Variants in RPGR observed in about 807,000 individuals in gnomAD.
The protein encoded by RPGR is retinitis pigmentosa GTPase regulator, also known as X-linked retinitis pigmentosa GTPase regulator.
RPGR carries 10 observed loss-of-function variants against 56.3 expected under a neutral mutation model. The ratio of observed to expected loss-of-function variants is 0.18; its 90% confidence interval spans 0.11 to 0.30. RPGR has a LOEUF of 0.30. Among genes scored for constraint, RPGR ranks in the 10% least tolerant of loss-of-function variants. The pLI is 1.00. For synonymous variants in RPGR, 197 were observed against 212.9 expected (o/e 0.93, Z 0.65); for missense variants, 538 against 590.9 (o/e 0.91, Z 0.93).
chrX:38,300,781 C>T (rs1301088439), intron 9 of RPGR, among the ~76,000 whole-genome samples: 1 of 112,176 alleles, frequency 8.9e-6, no homozygotes, highest in Non-Finnish European at 1.9e-5. Context: ...GTGATCCGCC[C>T]GCCTTGGCCT....
chrX:38,283,412 A>G (rs1191837048), intron 15 of RPGR, among the ~76,000 whole-genome samples: 1 of 112,069 alleles, frequency 8.9e-6, no homozygotes, highest in African/African-American at 3.2e-5. Context: ...GGTAATGAAC[A>G]ACTGCTGTTC....
At chrX:38,291,102 AG>A in intron 12 of RPGR, 78 bp from the exon 13 acceptor site, 1 of 220,304 alleles carries the variant, frequency 4.5e-6, no homozygotes, top group Non-Finnish European at 7.8e-6. Flanking sequence ...ACAAATATAT[AG>A]TATATTTTCA....
chrX:38,291,544 G>A (rs1007508928), intron 11 of RPGR, 60 bp from the exon 12 acceptor site: 34 of 658,442 alleles, frequency 5.2e-5, no homozygotes, highest in Non-Finnish European at 7.6e-5. Context: ...AAAGGCAACT[G>A]GACAGAAAAC....
At chrX:38,283,828 T>C (rs921025892) in intron 15 of RPGR, among the ~76,000 whole-genome samples, 22 of 112,118 alleles carry the variant, frequency 2.0e-4, no homozygotes, top group African/African-American at 7.1e-4. Flanking sequence ...TGGAGGTTTT[T>C]TTCTTTATGA....
In RPGR at chrX:38,299,001, A is replaced by G. The variant is rs768625051; in HGVS notation, c.1200T>C (p.Asn400=). 32 of 1,210,060 alleles carry G rather than the reference A, an allele frequency of 2.6e-5. No individual in the cohort carries two copies. The highest frequency in any genetic ancestry group is 3.4e-5 in the Non-Finnish European group (30 of 895,300). The change falls in exon 10 of 19, where the codon AAT becomes AAC. Residue 400 remains asparagine (N), a synonymous_variant. Coordinates refer to ENST00000642395, the MANE Select transcript of RPGR (RefSeq NM_000328.3). ...GTGCTGATAGAGTCCTCTGCAGTAC[A>G]TTTCCTGAGGTTAAACTGCTATACG...
At chrX:38,301,913 T>C (rs2067508384) in intron 8 of RPGR, among the ~76,000 whole-genome samples, 1 of 111,443 alleles carries the variant, frequency 9.0e-6, no homozygotes, top group South Asian at 3.8e-4. Context: ...TCTGCAGTCA[T>C]GACCATTAAA....
intron 15 of RPGR, among the ~76,000 whole-genome samples, chrX:38,277,367 A>G (rs959108342): frequency 8.9e-6 from 1 of 111,960 alleles, no homozygotes; most frequent in Non-Finnish European, 1.9e-5. Flanking sequence ...TCCAAACGAT[A>G]AAAGAGGCTG....
intron 6 of RPGR, among the ~76,000 whole-genome samples, chrX:38,312,789 C>T (rs1186239791): frequency 9.0e-6 from 1 of 111,177 alleles, no homozygotes; most frequent in Non-Finnish European, 1.9e-5. Context: ...ACAAAGAATA[C>T]AAAAATTAGC....
chrX:38,270,637 A>AAAAAG (rs2066828999), intron 18 of RPGR, among the ~76,000 whole-genome samples: 1 of 107,053 alleles, frequency 9.3e-6, no homozygotes, highest in African/African-American at 3.4e-5. Context: ...AAAAAAAAAA[A>AAAAAG]AAAAGTCAGT....
rs771616566 is a variant in RPGR at position 38,304,742 on chromosome X, A to C, written c.827T>G (p.Leu276Arg). Residue 276 changes from leucine (L) to arginine (R), a missense_variant, in exon 8 of 19, where the codon CTT (leucine) becomes CGT (arginine). Leu to Arg is a moderately radical substitution (Grantham distance 102). Transcript: ENST00000642395. Reference sequence around the variant, plus strand: ...TGAAGTTTCAAAAAGAAAAGTGCCAAGACCCAGCTGACCAAATTGTCCCAG... The same window carrying C: ...TGAAGTTTCAAAAAGAAAAGTGCCACGACCCAGCTGACCAAATTGTCCCAG... 2.5e-6 allele frequency: 3 copies of C among 1,208,613 alleles called. No homozygotes were observed. The African/African-American group carries it at 5.3e-5, about 21-fold the overall frequency.
intron 9 of RPGR, among the ~76,000 whole-genome samples, chrX:38,299,555 A>C (rs2067461927): frequency 8.9e-6 from 1 of 111,798 alleles, no homozygotes; most frequent in Admixed American, 9.5e-5. Context: ...AGTATAAATC[A>C]GTCTCTTGAG....
Position 38,299,147 on chromosome X carries a change from G to A in RPGR, c.1060-6C>T. 1 of 1,208,454 alleles carries A rather than the reference G, an allele frequency of 8.3e-7. No homozygotes were observed. The highest frequency in any genetic ancestry group is 1.1e-6 in the Non-Finnish European group (1 of 893,366). ...TGACATCCACCACAAGCAACCTGCA[G>A]CATAAATCCACAGAAAAACTCATCA... On this transcript the variant is annotated splice_polypyrimidine_tract_variant and splice_region_variant and intron_variant, in intron 9 of 18. Transcript: ENST00000642395.
intron 15 of RPGR, among the ~76,000 whole-genome samples, chrX:38,282,044 C>T (rs988249935): frequency 4.5e-5 from 5 of 111,527 alleles, no homozygotes; most frequent in Non-Finnish European, 7.5e-5. Flanking sequence ...CCCCAGAAAA[C>T]CAAAGTCTCT....
intron 1 of RPGR, among the ~76,000 whole-genome samples, chrX:38,323,980 TG>T (rs1296053111): frequency 8.9e-6 from 1 of 112,212 alleles, no homozygotes. Flanking sequence ...AGGCTATCCA[TG>T]GGGAGAGTCT....
intron 9 of RPGR, among the ~76,000 whole-genome samples, chrX:38,300,659 C>A (rs1295696921): frequency 9.0e-6 from 1 of 111,448 alleles, no homozygotes; most frequent in Non-Finnish European, 1.9e-5. Context: ...CTCAGCCTCC[C>A]AAGTAGTTGG....
At chrX:38,294,124 C>T (rs981477592) in intron 11 of RPGR, among the ~76,000 whole-genome samples, 1 of 111,794 alleles carries the variant, frequency 8.9e-6, no homozygotes, top group African/African-American at 3.3e-5. Context: ...CACCAGTAAA[C>T]TCCATTATAC....
intron 18 of RPGR, among the ~76,000 whole-genome samples, chrX:38,271,975 C>T (rs1434264473): frequency 8.9e-6 from 1 of 112,043 alleles, no homozygotes. Context: ...AACAAAAATA[C>T]AACTTCACTT....
At chrX:38,320,970 G>T in intron 4 of RPGR, 57 bp downstream of exon 4, 1 of 892,122 alleles carries the variant, frequency 1.1e-6, no homozygotes. Context: ...CACGTTACTG[G>T]AATGAGACCT....
At chrX:38,286,715 C>T in intron 15 of RPGR, 1 of 1,155,305 alleles carries the variant, frequency 8.7e-7, no homozygotes, top group Non-Finnish European at 1.2e-6. Flanking sequence ...TCCACTTCTT[C>T]CCCTTCTCCT....
Sources: gnomAD v4.1 joint callset for allele counts (sites outside exome capture counted in the v4.1 genomes callset) on GRCh38, gnomAD v4.1.1 for gene constraint, MANE v1.5 for transcripts, NCBI Gene and HGNC (gene_info 2026-07-23, HGNC 2026-07-21) for gene names.